The following LRP1B variants were observed in gnomAD, a reference collection of about 807,000 sequenced individuals.
LRP1B encodes LDL receptor related protein 1B.
A neutral mutation model predicts 556.6 loss-of-function variants in LRP1B; 217 were observed. The ratio of observed to expected loss-of-function variants is 0.39; its 90% CI spans 0.35 to 0.44. The LOEUF is 0.44. LRP1B is among the 20% of genes least tolerant of loss of function. LRP1B has a pLI of 1.00. For missense variants in LRP1B, 5,053 were observed against 5,620.8 expected, an observed-to-expected ratio of 0.90 and a Z score of 3.23; for synonymous variants, 2,047 against 1,865.8, an observed-to-expected ratio of 1.10 and a Z score of -2.50.
intron 32 of LRP1B, among the ~76,000 whole-genome samples, chr2:140,802,834 T>G (rs1049599648): frequency 6.6e-6 from 1 of 152,122 alleles, no homozygotes; most frequent in African/African-American, 2.4e-5. Flanking sequence ...TTAAAAACCC[T>G]CAAAGGTGCA....
chr2:140,564,126 T>C (rs1681039696), intron 43 of LRP1B, among the ~76,000 whole-genome samples: 1 of 152,166 alleles, frequency 6.6e-6, no homozygotes, highest in African/African-American at 2.4e-5. Flanking sequence ...TGAAATGTGA[T>C]TGAAATTGGG....
intron 77 of LRP1B, among the ~76,000 whole-genome samples, chr2:140,340,153 A>T (rs1469449727): frequency 6.6e-6 from 1 of 151,330 alleles, no homozygotes; most frequent in Non-Finnish European, 1.5e-5. Flanking sequence ...AAAAAGAAAG[A>T]CTGGCTCTCT....
At chr2:140,854,551 C>T (rs914650049) in intron 27 of LRP1B, among the ~76,000 whole-genome samples, 4 of 152,182 alleles carry the variant, frequency 2.6e-5, no homozygotes, top group Non-Finnish European at 5.9e-5. Flanking sequence ...GCTACCTATT[C>T]TATTCCAATT....
At chr2:140,683,556 T>A (rs1470179) in intron 41 of LRP1B, 553,619 of 652,042 alleles carry the variant, frequency 0.85, 236,517 homozygotes, top group Non-Finnish European at 0.88. Flanking sequence ...TGCTTTCAAC[T>A]CCAAGTCCCA....
intron 1 of LRP1B, among the ~76,000 whole-genome samples, chr2:141,852,562 T>G (rs1697902517): frequency 6.6e-6 from 1 of 151,506 alleles, no homozygotes; most frequent in African/African-American, 2.4e-5. Context: ...ACAGAAATAT[T>G]GAAATATAAG....
Position 141,212,249 on chromosome 2 carries a change from A to ATTTT in LRP1B, c.850+16930_850+16933dup, listed in dbSNP as rs59699046. ...AAGATATATTGATCAAAAAGTCTAG[A>ATTTT]TTTTTTTTTTTTTTTTTTTTTTTTT... On this transcript the variant is annotated intron_variant, in intron 6 of 90. Coordinates refer to ENST00000389484, the MANE Select transcript of LRP1B (RefSeq NM_018557.3). Among the ~76,000 whole-genome samples, 3 of 62,270 alleles carry ATTTT rather than the reference A, an allele frequency of 4.8e-5. 1 individual carries two copies. The highest frequency in any genetic ancestry group is 9.2e-5 in the Non-Finnish European group (3 of 32,700). The allele number at this position is 62,270 out of a possible 152,430, so 40.9% of individuals were successfully genotyped here.
At position 140,433,756 on chromosome 2, in the gene LRP1B, G is replaced by A. The variant is rs369855218; in HGVS notation, c.10414+8748C>T. On this transcript the variant is annotated intron_variant, in intron 66 of 90. Transcript: ENST00000389484. ...TCACATACTATAAATACTATTAATC[G>A]AAATATAGTTTTGAAAACATTAGAA... 1.1e-4 allele frequency among the ~76,000 whole-genome samples: 16 copies of A among 151,388 alleles called. No homozygotes were observed. In the South Asian group the frequency reaches 1.2e-3, roughly 12 times the overall value.
At chr2:141,144,887 T>C (rs760571181) in intron 7 of LRP1B, among the ~76,000 whole-genome samples, 4 of 152,328 alleles carry the variant, frequency 2.6e-5, no homozygotes, top group South Asian at 2.1e-4. Flanking sequence ...TAAATGAACA[T>C]GCACTCGATT....
At chr2:141,472,799 G>GT (rs55905127) in intron 3 of LRP1B, among the ~76,000 whole-genome samples, 66,635 of 151,680 alleles carry the variant, frequency 0.44, 14,920 homozygotes, top group Non-Finnish European at 0.49. Context: ...CTAGTAGGCA[G>GT]TTTACACCAT....
chr2:140,865,175 T>C (rs13411360), intron 27 of LRP1B, among the ~76,000 whole-genome samples: 21,238 of 151,982 alleles, frequency 0.14, 1,874 homozygotes, highest in African/African-American at 0.25. Flanking sequence ...AATATTCTGC[T>C]TAAATATCCA....
chr2:141,069,798 C>T (rs1240887182), intron 7 of LRP1B, among the ~76,000 whole-genome samples: 8 of 151,918 alleles, frequency 5.3e-5, no homozygotes, highest in African/African-American at 1.9e-4. Context: ...GCAACTTTCT[C>T]ACCCTTCTTT....
At chr2:141,271,197 G>A (rs1218031422) in intron 3 of LRP1B, among the ~76,000 whole-genome samples, 4 of 151,438 alleles carry the variant, frequency 2.6e-5, no homozygotes, top group Non-Finnish European at 4.4e-5. Context: ...TTATATAATC[G>A]GAATAATGCA....
At chr2:141,444,487 G>T (rs984451244) in intron 3 of LRP1B, among the ~76,000 whole-genome samples, 2 of 152,172 alleles carry the variant, frequency 1.3e-5, no homozygotes, top group Admixed American at 6.5e-5. Flanking sequence ...GTGAAAGAGG[G>T]CATCCTTGTC....
intron 62 of LRP1B, among the ~76,000 whole-genome samples, chr2:140,453,181 CACTAAATGA>C (rs1686953338): frequency 6.6e-6 from 1 of 151,684 alleles, no homozygotes; most frequent in Admixed American, 6.6e-5. Context: ...TTTTTAAATT[CACTAAATGA>C]ACCCAATTTA....
intron 35 of LRP1B, among the ~76,000 whole-genome samples, chr2:140,718,100 C>T (rs541364943): frequency 2.1e-4 from 32 of 152,110 alleles, no homozygotes; most frequent in Admixed American, 1.6e-3. Flanking sequence ...ATTTTCTTCC[C>T]TAAACATTAG....
intron 7 of LRP1B, among the ~76,000 whole-genome samples, chr2:141,155,525 C>T (rs749001114): frequency 6.6e-5 from 10 of 151,208 alleles, no homozygotes; most frequent in Non-Finnish European, 1.3e-4. Flanking sequence ...ATGTACAGAA[C>T]GTGCAGGTTT....
At position 140,541,060 on chromosome 2, in the gene LRP1B, G is replaced by A. The variant is rs770665036; in HGVS notation, c.7426C>T (p.His2476Tyr). The change falls in exon 45 of 91, where the codon CAT becomes TAT. Residue 2476 changes from histidine to tyrosine, a missense_variant. His to Tyr is a moderately conservative substitution (Grantham distance 83). Around this residue, in one of 5 missense-constraint regions of LRP1B, gnomAD observed 3,619 missense variants for 3,931.9 expected, o/e 0.92. Coordinates refer to ENST00000389484, the MANE Select transcript of LRP1B (RefSeq NM_018557.3). ...SPCALLNGGCHDLCLLTPNGR... is the reference protein window; with the variant it reads ...SPCALLNGGCYDLCLLTPNGR... ...TTGGGAGTTAAAAGGCACAAGTCATGGCAGCCTCCATTCAATAATGCACAT... is the reference window on the plus strand; with the variant it reads ...TTGGGAGTTAAAAGGCACAAGTCATAGCAGCCTCCATTCAATAATGCACAT... 2 of 1,611,194 alleles carry A rather than the reference G, an allele frequency of 1.2e-6. No homozygotes were observed. The highest frequency in any genetic ancestry group is 1.7e-5 in the Admixed American group (1 of 59,820).
At chr2:140,913,967 T>C (rs760658772) in intron 21 of LRP1B, among the ~76,000 whole-genome samples, 54 of 152,246 alleles carry the variant, frequency 3.5e-4, no homozygotes, top group Non-Finnish European at 4.9e-4. Context: ...CAGGAAAGAA[T>C]GGGACCTGTT....
At chr2:141,764,415 C>A (rs887691283) in intron 2 of LRP1B, among the ~76,000 whole-genome samples, 12 of 152,144 alleles carry the variant, frequency 7.9e-5, no homozygotes, top group African/African-American at 2.9e-4. Context: ...ATCTCCTGAC[C>A]TCGTGATCCA....
Sources: gnomAD v4.1 joint callset for allele counts (sites outside exome capture counted in the v4.1 genomes callset) on GRCh38, gnomAD v4.1.1 for gene constraint, gnomAD v4.1.1 regional missense constraint, MANE v1.5 for transcripts, NCBI Gene and HGNC (gene_info 2026-07-23, HGNC 2026-07-21) for gene names.